Variants in DOCK5 observed in about 807,000 individuals in gnomAD.
DOCK5 encodes the protein dedicator of cytokinesis protein 5.
DOCK5 carries 142 observed loss-of-function variants against 251.8 expected under a neutral mutation model. The ratio of observed to expected loss-of-function variants is 0.56; its 90% CI spans 0.49 to 0.65. DOCK5 has a LOEUF of 0.65. Ranked by LOEUF, DOCK5 falls within the 30% of genes least tolerant of loss-of-function variation. The pLI, the probability that DOCK5 is intolerant of heterozygous loss-of-function variation, is 0.00. For synonymous variants in DOCK5, 842 were observed against 835.5 expected, an observed-to-expected ratio of 1.01 and a Z score of -0.13; for missense variants, 2,111 against 2,312.3, an observed-to-expected ratio of 0.91 and a Z score of 1.79.
In DOCK5 at chr8:25,389,073, T is replaced by A; in HGVS notation, c.4132-18T>A. On this transcript the variant is annotated intron_variant, in intron 40 of 51. Transcript: ENST00000276440. Reference sequence around the variant, plus strand: ...CTCTTCCTATGTAATGACTTCCCTTTCTGTGTCTCACCTGCAGAATAAAAT... The same window carrying A: ...CTCTTCCTATGTAATGACTTCCCTTACTGTGTCTCACCTGCAGAATAAAAT... The A allele has an allele frequency of 6.2e-7, 1 of 1,612,138 alleles. No homozygotes were observed.
rs570937088 is a variant in DOCK5, at chr8:25,358,725, T to A, written c.2851-238T>A. ...TCATTGAGGTGTCCTGTCTATAGGA[T>A]TCCACACTTCTTAGCTGTTAATGAG... On this transcript the variant is annotated intron_variant, in intron 27 of 51. Transcript: ENST00000276440. Among the ~76,000 whole-genome samples the A allele has an allele frequency of 2.6e-5, 4 of 152,342 alleles. No individual in the cohort carries two copies. In the South Asian group the frequency reaches 8.3e-4, roughly 32 times the overall value.
chr8:25,282,133 A>G (rs897050745), intron 5 of DOCK5, among the ~76,000 whole-genome samples: 8 of 152,172 alleles, frequency 5.3e-5, no homozygotes, highest in African/African-American at 1.9e-4. Flanking sequence ...ATTTGTTATT[A>G]TGGTTAGTGC....
chr8:25,200,811 T>C (rs1452739733), intron 1 of DOCK5, among the ~76,000 whole-genome samples: 2 of 152,384 alleles, frequency 1.3e-5, no homozygotes, highest in East Asian at 3.9e-4. Context: ...TGGTCTCATC[T>C]CTTTATAATC....
chr8:25,386,666 T>A (rs1801169828), intron 40 of DOCK5, among the ~76,000 whole-genome samples: 1 of 151,622 alleles, frequency 6.6e-6, no homozygotes, highest in African/African-American at 2.4e-5. Flanking sequence ...TAGCTCAGCT[T>A]CAATCCAGGT....
At position 25,411,316 on chromosome 8, in the gene DOCK5, C is replaced by T. The variant is rs1801628846; in HGVS notation, c.*18C>T. ...CCCAGTAAGGATCTTGCCCTCCCTG[C>T]AACACCGAGTGCCTTAGACAGCTGC... On this transcript the variant is annotated 3_prime_UTR_variant, in exon 52 of 52. Transcript: ENST00000276440. 2 of 1,458,692 alleles carry T rather than the reference C, an allele frequency of 1.4e-6. No individual in the cohort carries two copies. Among genetic ancestry groups the T allele is most frequent in the Non-Finnish European group, 1.8e-6 (2 of 1,107,418 alleles). The allele number at this position is 1,458,692 out of a possible 1,614,324, so 90.4% of individuals were successfully genotyped here.
intron 43 of DOCK5, 78 bp downstream of exon 43, chr8:25,392,058 T>C: frequency 4.4e-6 from 6 of 1,377,488 alleles, no homozygotes; most frequent in Non-Finnish European, 6.1e-6. Flanking sequence ...AATCCCAGCA[T>C]TCTGGGAGGC....
chr8:25,310,360 T>C (rs778065565), intron 12 of DOCK5, 47 bp from the exon 13 acceptor site: 40 of 1,565,050 alleles, frequency 2.6e-5, no homozygotes, highest in Non-Finnish European at 3.4e-5. Context: ...GCATGTGTTT[T>C]ATACATCATA....
chr8:25,214,961 G>A (rs1802202341), intron 1 of DOCK5, among the ~76,000 whole-genome samples: 1 of 152,144 alleles, frequency 6.6e-6, no homozygotes, highest in African/African-American at 2.4e-5. Context: ...GCTAGGGCCT[G>A]GAATGAAAGA....
At chr8:25,281,897 A>G (rs1176990019) in intron 5 of DOCK5, among the ~76,000 whole-genome samples, 1 of 151,742 alleles carries the variant, frequency 6.6e-6, no homozygotes, top group African/African-American at 2.4e-5. Flanking sequence ...AAGAAAAAAA[A>G]AAAAAAAAAA....
intron 1 of DOCK5, among the ~76,000 whole-genome samples, chr8:25,239,319 ATG>A (rs746237389): frequency 3.5e-4 from 46 of 130,992 alleles, no homozygotes; most frequent in East Asian, 1.7e-3. Context: ...GTGCGTGTAT[ATG>A]TGTGTGTGTG....
intron 1 of DOCK5, among the ~76,000 whole-genome samples, chr8:25,198,497 G>C (rs140999707): frequency 4.7e-4 from 71 of 152,136 alleles, no homozygotes; most frequent in African/African-American, 1.5e-3. Flanking sequence ...ACTTGAACCC[G>C]GGAGGCAGAC....
At chr8:25,261,614 A>G (rs1803583960) in intron 2 of DOCK5, among the ~76,000 whole-genome samples, 1 of 152,242 alleles carries the variant, frequency 6.6e-6, no homozygotes, top group Non-Finnish European at 1.5e-5. Context: ...GAAAAAGTGC[A>G]GTAAAATTTA....
In DOCK5 at chr8:25,268,902, A is replaced by G; in HGVS notation, c.168+17A>G. 1.3e-6 allele frequency: 2 copies of G among 1,544,480 alleles called. No individual in the cohort carries two copies. The stretch of plus-strand genomic sequence containing the variant: ...TCTAAAAAGGTATGACTTATCATTC[A>G]CTTTTTAATTTCATTTGAAATCTGT... On this transcript the variant is annotated intron_variant, in intron 3 of 51. Transcript: ENST00000276440.
intron 1 of DOCK5, 46 bp downstream of exon 1, chr8:25,184,997 G>C (rs939332022): frequency 7.6e-7 from 1 of 1,321,378 alleles, no homozygotes; most frequent in South Asian, 2.3e-5. Context: ...ACGCGGCCAA[G>C]TTCGCGGACA....
intron 14 of DOCK5, 105 bp downstream of exon 14, chr8:25,317,236 A>C: frequency 6.6e-7 from 1 of 1,504,180 alleles, no homozygotes; most frequent in South Asian, 1.3e-5. Context: ...GATGGGTTTG[A>C]TTTTTCCTGA....
At chr8:25,264,979 A>G (rs956421450) in intron 2 of DOCK5, among the ~76,000 whole-genome samples, 2 of 152,050 alleles carry the variant, frequency 1.3e-5, no homozygotes, top group African/African-American at 4.8e-5. Flanking sequence ...CATTAGCATC[A>G]CCATCTCCAT....
At chr8:25,225,707 A>G (rs1479977324) in intron 1 of DOCK5, among the ~76,000 whole-genome samples, 4 of 146,630 alleles carry the variant, frequency 2.7e-5, no homozygotes, top group Admixed American at 6.8e-5. Flanking sequence ...CTCAGTCTCA[A>G]AAAAAAAAAA....
intron 1 of DOCK5, among the ~76,000 whole-genome samples, chr8:25,206,501 G>A (rs1802004585): frequency 6.6e-6 from 1 of 152,086 alleles, no homozygotes; most frequent in Admixed American, 6.6e-5. Context: ...TGTAACAGTT[G>A]GCCCTTCCAA....
At chr8:25,230,860 TA>T (rs1465161645) in intron 1 of DOCK5, among the ~76,000 whole-genome samples, 1 of 151,898 alleles carries the variant, frequency 6.6e-6, no homozygotes, top group Non-Finnish European at 1.5e-5. Context: ...CAAAAATAAA[TA>T]AATAAATAAA....
Sources: gnomAD v4.1 joint callset for allele counts (sites outside exome capture counted in the v4.1 genomes callset) on GRCh38, gnomAD v4.1.1 for gene constraint, MANE v1.5 for transcripts, NCBI Gene and HGNC (gene_info 2026-07-23, HGNC 2026-07-21) for gene names.